Variants in SLC5A7 observed in about 807,000 individuals in gnomAD.
SLC5A7 encodes high affinity choline transporter 1.
Under a neutral mutation model 55.4 loss-of-function variants are expected in SLC5A7, and 19 were observed. That is an observed-to-expected ratio of 0.34 (90% CI 0.24 to 0.50). The LOEUF is 0.50. Ranked by LOEUF, SLC5A7 falls within the 20% of genes least tolerant of loss-of-function variation. The pLI is 0.98. For synonymous variants in SLC5A7, 265 were observed against 263.7 expected (o/e 1.00, Z -0.05); for missense variants, 506 against 705.3 (o/e 0.72, Z 3.20).
At chr2:107,994,538 A>AC (rs1677589972) in intron 4 of SLC5A7, among the ~76,000 whole-genome samples, 2 of 152,164 alleles carry the variant, frequency 1.3e-5, no homozygotes, top group South Asian at 4.1e-4. Flanking sequence ...GTGAGCTGAG[A>AC]TCACGCCACT....
At chr2:107,996,299 T>C (rs1677668176) in intron 4 of SLC5A7, among the ~76,000 whole-genome samples, 1 of 152,218 alleles carries the variant, frequency 6.6e-6, no homozygotes, top group Non-Finnish European at 1.5e-5. Flanking sequence ...CATCTATAAT[T>C]ATCTCTCATC....
chr2:107,995,464 AGAGAGAGTGTGT>A (rs763018423), intron 4 of SLC5A7, among the ~76,000 whole-genome samples: 1 of 129,032 alleles, frequency 7.8e-6, no homozygotes, highest in Non-Finnish European at 1.7e-5. Context: ...AGAGAGAGAG[AGAGAGAGTGTGT>A]GTGTGTGTGT....
chr2:108,001,884 C>T lies in SLC5A7; in HGVS notation c.598-13C>T, dbSNP rs1349061938. ...ACCATCGCCTAGGGCTCCAGTGTCA[C>T]TTTCTGTTGCAGTGGATCAGCGTCC... On this transcript the variant is annotated splice_polypyrimidine_tract_variant and intron_variant, in intron 5 of 8. Coordinates refer to ENST00000264047, the MANE Select transcript of SLC5A7 (RefSeq NM_021815.5). 3 of 1,613,594 alleles carry T rather than the reference C, an allele frequency of 1.9e-6. No homozygotes were observed. In the South Asian group the frequency reaches 3.3e-5, roughly 18 times the overall value.
At chr2:108,008,325 C>T in intron 7 of SLC5A7, 140 bp from the exon 8 acceptor site, 2 of 629,478 alleles carry the variant, frequency 3.2e-6, no homozygotes, top group African/African-American at 1.8e-5. Context: ...TCCACTTGAC[C>T]AGCACATGGA....
intron 6 of SLC5A7, among the ~76,000 whole-genome samples, chr2:108,005,745 A>G (rs1214038440): frequency 6.6e-6 from 1 of 152,126 alleles, no homozygotes; most frequent in African/African-American, 2.4e-5. Flanking sequence ...GTGGAAGGAA[A>G]AAAACTCCTT....
At chr2:107,987,262 G>A (rs560459851) in intron 1 of SLC5A7, among the ~76,000 whole-genome samples, 151 of 152,264 alleles carry the variant, frequency 9.9e-4, no homozygotes, top group African/African-American at 3.6e-3. Context: ...ATTTCAGAAG[G>A]TGAATGCTTT....
chr2:107,989,293 G>A (rs781092754), intron 2 of SLC5A7, among the ~76,000 whole-genome samples: 1 of 152,182 alleles, frequency 6.6e-6, no homozygotes, highest in Non-Finnish European at 1.5e-5. Context: ...ATGATATCAA[G>A]TGATGCCCAA....
At chr2:108,000,794 C>T (rs1279106635) in intron 5 of SLC5A7, among the ~76,000 whole-genome samples, 1 of 152,048 alleles carries the variant, frequency 6.6e-6, no homozygotes, top group Non-Finnish European at 1.5e-5. Flanking sequence ...GGGGTTTCAC[C>T]AAGTTGCCCA....
At chr2:108,010,092 G>A (rs1678260429) in intron 8 of SLC5A7, 140 bp from the exon 9 acceptor site, 3 of 999,698 alleles carry the variant, frequency 3.0e-6, no homozygotes, top group African/African-American at 1.6e-5. Context: ...TGTAGCTGTA[G>A]TTGGTTTTTC....
rs907321104 is a variant in SLC5A7, at chr2:108,012,883, C to A, written c.*2022C>A. 1 of 152,110 alleles carries A rather than the reference C, an allele frequency of 6.6e-6. No individual in the cohort carries two copies. The highest frequency in any genetic ancestry group is 1.5e-5 in the Non-Finnish European group (1 of 68,008). The allele number at this position is 152,110 out of a possible 1,614,324, so 9.4% of individuals were successfully genotyped here. A position where few individuals can be genotyped will look rare whatever the true frequency, so the allele number is the denominator to read the frequency against. On this transcript the variant is annotated 3_prime_UTR_variant, in exon 9 of 9. Coordinates refer to ENST00000264047, the MANE Select transcript of SLC5A7 (RefSeq NM_021815.5). ...AATTGCTGGAGACTACAATTCCTGG[C>A]AAACACCATTATTCCAGATGCACCA...
In SLC5A7 at chr2:107,990,251, G is replaced by A. The variant is rs564855716; in HGVS notation, c.179-1855G>A. Among the ~76,000 whole-genome samples the A allele has an allele frequency of 2.0e-5, 3 of 152,168 alleles. No homozygotes were observed. The South Asian group carries it at 6.2e-4, about 32-fold the overall frequency. Reference sequence around the variant, plus strand: ...TTATAAAGGGGACTTTTAAATCTTAGTAAGTAGCCAAGCCCTCACTTCTAT... The same window carrying A: ...TTATAAAGGGGACTTTTAAATCTTAATAAGTAGCCAAGCCCTCACTTCTAT... On this transcript the variant is annotated intron_variant, in intron 2 of 8. Transcript: ENST00000264047.
chr2:108,006,712 AATTTT>A (rs1678138162), intron 7 of SLC5A7, among the ~76,000 whole-genome samples: 1 of 152,072 alleles, frequency 6.6e-6, no homozygotes, highest in Non-Finnish European at 1.5e-5. Flanking sequence ...ACTTCACAGG[AATTTT>A]ATTTTAATAA....
At chr2:108,010,095 G>A in intron 8 of SLC5A7, 137 bp from the exon 9 acceptor site, 1 of 1,025,624 alleles carries the variant, frequency 9.8e-7, no homozygotes, top group Non-Finnish European at 1.4e-6. Context: ...AGCTGTAGTT[G>A]GTTTTTCCCA....
Position 107,988,293 on chromosome 2 carries a change from C to T in SLC5A7, c.138C>T (p.Gly46=), listed in dbSNP as rs776077643. The T allele has an allele frequency of 9.3e-6, 15 of 1,613,838 alleles. No individual in the cohort carries two copies. Among genetic ancestry groups the T allele is most frequent in the South Asian group, 4.4e-5 (4 of 91,062 alleles). Residue 46 remains glycine (G), a synonymous_variant, in exon 2 of 9, where the codon GGC becomes GGT. Coordinates refer to ENST00000264047, the MANE Select transcript of SLC5A7 (RefSeq NM_021815.5). The part of the protein sequence containing the change: ...EERSEAIIVG[G]RDIGLLVGGF... ...GCAGCGAAGCCATCATAGTTGGTGG[C>T]CGAGATATTGGTTTATTGGTTGGTG...
At position 107,990,502 on chromosome 2, in the gene SLC5A7, C is replaced by T. The variant is rs373900029; in HGVS notation, c.179-1604C>T. Reference sequence around the variant, plus strand: ...AATTCATTTCTTCAGCTCATGGTTACACACACAGTGAAAAAAAAAAGCCAT... The same window carrying T: ...AATTCATTTCTTCAGCTCATGGTTATACACACAGTGAAAAAAAAAAGCCAT... On this transcript the variant is annotated intron_variant, in intron 2 of 8. Transcript: ENST00000264047. Among the ~76,000 whole-genome samples, 262 of 151,662 alleles carry T rather than the reference C, an allele frequency of 1.7e-3. 3 individuals carry two copies. In the South Asian group the frequency reaches 0.02, roughly 12 times the overall value.
At chr2:108,006,300 A>G in intron 7 of SLC5A7, 98 bp downstream of exon 7, 1 of 1,351,584 alleles carries the variant, frequency 7.4e-7, no homozygotes, top group Non-Finnish European at 1.0e-6. Context: ...CACATAGTGA[A>G]TTCTTTCTCA....
intron 5 of SLC5A7, 124 bp from the exon 6 acceptor site, chr2:108,001,773 C>T (rs1040280772): frequency 3.2e-6 from 3 of 943,958 alleles, no homozygotes; most frequent in African/African-American, 1.7e-5. Context: ...ACATGATTTC[C>T]GATCCTTCTC....
chr2:108,006,179 T>C lies in SLC5A7; in HGVS notation c.872T>C (p.Ile291Thr), dbSNP rs375397889. The change falls in exon 7 of 9, where the codon ATT becomes ACT. Residue 291 changes from isoleucine (I) to threonine (T), a missense_variant. Ile to Thr is a moderately conservative substitution (Grantham distance 89, BLOSUM62 -1). Around this residue, in one of 4 missense-constraint regions of SLC5A7, gnomAD observed 309 missense variants for 478.6 expected, o/e 0.65. Coordinates refer to ENST00000264047, the MANE Select transcript of SLC5A7 (RefSeq NM_021815.5). ...GTGATGGCCATCCCAGCCATACTCA[T>C]TGGGGCCATTGGAGCATCAACAGGT... ...CLVMAIPAILIGAIGASTDWN... is the reference protein window; with the variant it reads ...CLVMAIPAILTGAIGASTDWN... The C allele has an allele frequency of 3.9e-5, 63 of 1,613,862 alleles. No homozygotes were observed. The highest frequency in any genetic ancestry group is 4.9e-5 in the Non-Finnish European group (58 of 1,179,970).
At chr2:107,989,133 C>T (rs1677350938) in intron 2 of SLC5A7, among the ~76,000 whole-genome samples, 1 of 152,148 alleles carries the variant, frequency 6.6e-6, no homozygotes, top group Non-Finnish European at 1.5e-5. Context: ...GAAAATAATT[C>T]TGAAAAACAT....
Sources: gnomAD v4.1 joint callset for allele counts (sites outside exome capture counted in the v4.1 genomes callset) on GRCh38, gnomAD v4.1.1 for gene constraint, gnomAD v4.1.1 regional missense constraint, MANE v1.5 for transcripts, NCBI Gene and HGNC (gene_info 2026-07-23, HGNC 2026-07-21) for gene names.